Variants in CBLB observed in about 807,000 individuals in gnomAD.
CBLB encodes the protein E3 ubiquitin-protein ligase CBL-B.
In CBLB, 31 loss-of-function variants were observed where a neutral mutation model predicts 104.9. The observed-to-expected ratio is 0.30, with a 90% CI of 0.22 to 0.40. The LOEUF is 0.40. Among genes scored for constraint, CBLB ranks in the 10% least tolerant of loss-of-function variants. The pLI is 1.00. For missense variants in CBLB, 1,062 were observed against 1,214.6 expected (o/e 0.87, Z 1.87); for synonymous variants, 440 against 422.6 (o/e 1.04, Z -0.51).
chr3:105,734,894 T>C (rs1320416756), intron 8 of CBLB, among the ~76,000 whole-genome samples: 2 of 152,196 alleles, frequency 1.3e-5, no homozygotes, highest in East Asian at 3.8e-4. Context: ...TTAAAACATT[T>C]GACACAGTAA....
intron 18 of CBLB, among the ~76,000 whole-genome samples, chr3:105,660,225 C>T (rs1370416006): frequency 6.6e-6 from 1 of 152,150 alleles, no homozygotes; most frequent in East Asian, 1.9e-4. Context: ...ACTCTTGTTG[C>T]CCAGGCTGGA....
chr3:105,720,114 A>G lies in CBLB; in HGVS notation c.1340T>C (p.Leu447Pro), dbSNP rs1434147494. The G allele has an allele frequency of 6.2e-7, 1 of 1,614,092 alleles. No homozygotes were observed. Among genetic ancestry groups the G allele is most frequent in the Non-Finnish European group, 8.5e-7 (1 of 1,179,986 alleles). The change falls in exon 10 of 19, where the codon CTA becomes CCA. Residue 447 changes from leucine (L) to proline (P), a missense_variant. Transcript: ENST00000394030. ...SIIDPFGMPM[L>P]DLDDDDDREE... ...ACGATCATCATCGTCGTCCAAGTCT[A>G]GCATCGGCATGCCAAAGGGGTCAAT...
intron 14 of CBLB, among the ~76,000 whole-genome samples, chr3:105,682,927 AC>A (rs2066497221): frequency 6.6e-6 from 1 of 152,224 alleles, no homozygotes; most frequent in African/African-American, 2.4e-5. Context: ...TAGCTCTATA[AC>A]AATCAACTGA....
At chr3:105,717,545 G>A (rs1437661145) in intron 10 of CBLB, among the ~76,000 whole-genome samples, 2 of 152,150 alleles carry the variant, frequency 1.3e-5, no homozygotes, top group Non-Finnish European at 2.9e-5. Flanking sequence ...TTAACTTGCA[G>A]TAAAAAGGGT....
intron 10 of CBLB, among the ~76,000 whole-genome samples, chr3:105,704,650 G>A (rs1268537655): frequency 4.0e-5 from 6 of 151,802 alleles, no homozygotes; most frequent in Non-Finnish European, 7.4e-5. Flanking sequence ...ATCAGGTGGG[G>A]TTTTAAAAAA....
At chr3:105,830,882 A>T (rs2087402010) in intron 3 of CBLB, among the ~76,000 whole-genome samples, 1 of 152,230 alleles carries the variant, frequency 6.6e-6, no homozygotes, top group Non-Finnish European at 1.5e-5. Context: ...TTGTCCATAT[A>T]GCATGTAGTC....
At chr3:105,850,953 T>C (rs1176409726) in intron 3 of CBLB, among the ~76,000 whole-genome samples, 1 of 152,206 alleles carries the variant, frequency 6.6e-6, no homozygotes, top group Admixed American at 6.5e-5. Context: ...AGGGGTTTCT[T>C]ACAAACTTTC....
intron 3 of CBLB, among the ~76,000 whole-genome samples, chr3:105,822,665 T>C (rs1225542868): frequency 6.6e-6 from 1 of 152,222 alleles, no homozygotes; most frequent in African/African-American, 2.4e-5. Flanking sequence ...ACTCTACTAC[T>C]CTTAGTACCC....
At chr3:105,791,644 T>A (rs1203499006) in intron 3 of CBLB, among the ~76,000 whole-genome samples, 2 of 152,192 alleles carry the variant, frequency 1.3e-5, no homozygotes, top group Non-Finnish European at 1.5e-5. Flanking sequence ...TGGACTGAAG[T>A]TAAGCATTAC....
intron 3 of CBLB, among the ~76,000 whole-genome samples, chr3:105,823,619 A>G (rs1270062216): frequency 6.6e-6 from 1 of 152,140 alleles, no homozygotes; most frequent in Non-Finnish European, 1.5e-5. Context: ...CCTTTGATAA[A>G]CAACTTATTG....
At chr3:105,697,210 T>C (rs899994990) in intron 12 of CBLB, among the ~76,000 whole-genome samples, 5 of 151,844 alleles carry the variant, frequency 3.3e-5, no homozygotes, top group Non-Finnish European at 7.4e-5. Flanking sequence ...ACTAAGAAAA[T>C]AGTGGAAGTG....
chr3:105,748,150 T>C (rs1032822976), intron 5 of CBLB, among the ~76,000 whole-genome samples: 3 of 152,122 alleles, frequency 2.0e-5, no homozygotes, highest in African/African-American at 7.2e-5. Flanking sequence ...ATTGAAGAAA[T>C]TTTTTTGTGT....
intron 3 of CBLB, among the ~76,000 whole-genome samples, chr3:105,788,093 A>T (rs2081230580): frequency 6.6e-6 from 1 of 152,196 alleles, no homozygotes; most frequent in Admixed American, 6.5e-5. Context: ...GCAGGATAAC[A>T]TCAGATGTAA....
chr3:105,671,529 G>A, intron 17 of CBLB: 1 of 213,348 alleles, frequency 4.7e-6, no homozygotes, highest in Non-Finnish European at 9.5e-6. Flanking sequence ...AACCTGAATT[G>A]CTAATGTAAA....
At chr3:105,807,890 T>A (rs535054647) in intron 3 of CBLB, among the ~76,000 whole-genome samples, 1 of 152,304 alleles carries the variant, frequency 6.6e-6, no homozygotes, top group South Asian at 2.1e-4. Flanking sequence ...TACAACTAGT[T>A]GGAAATAGAA....
At chr3:105,810,955 A>G (rs2084210662) in intron 3 of CBLB, among the ~76,000 whole-genome samples, 1 of 152,112 alleles carries the variant, frequency 6.6e-6, no homozygotes. Context: ...CAGTATAGAA[A>G]CATGTTTAAA....
At chr3:105,844,891 T>C (rs1234750203) in intron 3 of CBLB, among the ~76,000 whole-genome samples, 1 of 152,150 alleles carries the variant, frequency 6.6e-6, no homozygotes, top group African/African-American at 2.4e-5. Context: ...TTTAATTTAG[T>C]TTTGTAAGAA....
intron 4 of CBLB, among the ~76,000 whole-genome samples, chr3:105,755,235 G>A (rs1015492647): frequency 1.3e-5 from 2 of 151,578 alleles, no homozygotes; most frequent in South Asian, 4.2e-4. Context: ...GTGTCCATGT[G>A]ATCTCATTGT....
At chr3:105,740,752 C>A in intron 6 of CBLB, 121 bp from the exon 7 acceptor site, 1 of 829,592 alleles carries the variant, frequency 1.2e-6, no homozygotes, top group South Asian at 1.5e-5. Flanking sequence ...GAATACTCCT[C>A]ATATTCTGTC....
Sources: allele counts gnomAD v4.1 joint callset (sites outside exome capture counted in the v4.1 genomes callset), GRCh38; gene constraint gnomAD v4.1.1; transcripts MANE v1.5; gene names NCBI Gene and HGNC (gene_info 2026-07-23, HGNC 2026-07-21).